Variants in ATP2B2 observed in about 807,000 individuals in gnomAD.
ATP2B2 encodes plasma membrane calcium-transporting ATPase 2.
ATP2B2 carries 15 observed loss-of-function variants against 120.0 expected under a neutral mutation model. That is an observed-to-expected ratio of 0.12 (90% CI 0.08 to 0.19). The LOEUF is 0.19. ATP2B2 is among the 10% of genes least tolerant of loss of function. ATP2B2 has a pLI of 1.00. For missense variants in ATP2B2, 1,045 were observed against 1,719.8 expected (o/e 0.61, Z 6.94); for synonymous variants, 694 against 700.3 (o/e 0.99, Z 0.14).
chr3:10,669,668 G>A (rs7650726), intron 1 of ATP2B2, among the ~76,000 whole-genome samples: 2 of 152,136 alleles, frequency 1.3e-5, no homozygotes, highest in East Asian at 3.9e-4. Context: ...CTCCCTAGAC[G>A]AGGGCTCCCT....
chr3:10,563,507 T>A (rs1271312653), intron 2 of ATP2B2, among the ~76,000 whole-genome samples: 1 of 152,260 alleles, frequency 6.6e-6, no homozygotes, highest in Non-Finnish European at 1.5e-5. Flanking sequence ...GGTTTGGGGT[T>A]GACGTGTAAG....
chr3:10,471,395 TGTG>T (rs1559379097), intron 1 of ATP2B2, among the ~76,000 whole-genome samples: 4 of 133,734 alleles, frequency 3.0e-5, no homozygotes, highest in Non-Finnish European at 4.7e-5. Flanking sequence ...TGTGTGTGTG[TGTG>T]TTTGTGTGCG....
rs2061554884 is a variant in ATP2B2, at chr3:10,382,331, C to T, written c.1000+2937G>A. Among the ~76,000 whole-genome samples the T allele has an allele frequency of 2.7e-5, 4 of 149,294 alleles. No individual in the cohort carries two copies. The South Asian group carries it at 8.5e-4, about 32-fold the overall frequency. On this transcript the variant is annotated intron_variant, in intron 8 of 22. Transcript: ENST00000360273. ...GATTATAGGCATGAAGCACTGTACC[C>T]AGCCCATGATGTATAATTTTTTTTT... is the stretch of plus-strand genomic sequence containing the variant.
At chr3:10,391,565 A>G (rs2061850687) in intron 5 of ATP2B2, among the ~76,000 whole-genome samples, 1 of 152,124 alleles carries the variant, frequency 6.6e-6, no homozygotes. Context: ...CTACACCCAC[A>G]TCCGGAGGCA....
intron 2 of ATP2B2, among the ~76,000 whole-genome samples, chr3:10,569,055 C>G (rs975316328): frequency 6.6e-6 from 1 of 152,208 alleles, no homozygotes; most frequent in Non-Finnish European, 1.5e-5. Flanking sequence ...GACGTGGTAT[C>G]GCTGTTCACT....
intron 2 of ATP2B2, among the ~76,000 whole-genome samples, chr3:10,571,394 ACCACACAAGG>A (rs1559464460): frequency 1.3e-5 from 2 of 152,216 alleles, no homozygotes; most frequent in Non-Finnish European, 2.9e-5. Flanking sequence ...AACCCACTGT[ACCACACAAGG>A]CCAGGGGAGC....
intron 1 of ATP2B2, among the ~76,000 whole-genome samples, chr3:10,640,177 C>T (rs558172506): frequency 6.6e-6 from 1 of 152,268 alleles, no homozygotes; most frequent in South Asian, 2.1e-4. Flanking sequence ...AGCTACTCAT[C>T]CACAGGACAA....
At chr3:10,510,082 G>A (rs938033212), upstream of ATP2B2, among the ~76,000 whole-genome samples, 1 of 152,188 alleles carries the variant, frequency 6.6e-6, no homozygotes, top group Non-Finnish European at 1.5e-5. Context: ...GGTAGATAAG[G>A]GTTCCCAGAT....
Position 10,338,222 on chromosome 3 carries a change from C to T in ATP2B2, c.3374G>A (p.Arg1125Gln), listed in dbSNP as rs370895383. 1.8e-5 allele frequency: 29 copies of T among 1,614,076 alleles called. No individual in the cohort carries two copies. Among genetic ancestry groups the T allele is most frequent in the Non-Finnish European group, 1.5e-5 (18 of 1,180,044 alleles). Residue 1125 changes from arginine (R) to glutamine (Q), a missense_variant, in exon 22 of 23, where the codon CGG (arginine) becomes CAG (glutamine). Physicochemically the swap from Arg to Gln is conservative, Grantham distance 43. Around this residue, in one of 11 missense-constraint regions of ATP2B2, gnomAD observed 211 missense variants for 385.1 expected, o/e 0.55. Coordinates refer to ENST00000360273, the MANE Select transcript of ATP2B2 (RefSeq NM_001001331.4). Reference protein sequence around the residue: ...EIDHAERELRRGQILWFRGLN... With the variant: ...EIDHAERELRQGQILWFRGLN... ...GCCTCGGAACCACAGGATCTGGCCC[C>T]GCCGCAGCTCCCGCTCCGCGTGGTC...
At position 10,340,500 on chromosome 3, in the gene ATP2B2, G is replaced by A; in HGVS notation, c.3122C>T (p.Ala1041Val). ...GGGTGGGGGCCTCACTACCTGGATG[G>A]CAAAGGTGCCCAGCACGATGGTGCA... ...IFCTIVLGTF[A>V]IQIVIVQFGG... Residue 1041 changes from alanine (A) to valine (V), a missense_variant, in exon 20 of 23, where the codon GCC (alanine) becomes GTC (valine). Physicochemically the swap from Ala to Val is moderately conservative, Grantham distance 64 (BLOSUM62 0). Coordinates refer to ENST00000360273, the MANE Select transcript of ATP2B2 (RefSeq NM_001001331.4). The surrounding 1 kb of genome is among the most constrained non-coding windows in gnomAD (Gnocchi z 5.0). The A allele has an allele frequency of 1.2e-6, 2 of 1,614,180 alleles. No homozygotes were observed. Among genetic ancestry groups the A allele is most frequent in the Non-Finnish European group, 1.7e-6 (2 of 1,180,014 alleles).
intron 2 of ATP2B2, among the ~76,000 whole-genome samples, chr3:10,585,556 G>A (rs562022629): frequency 1.0e-4 from 14 of 136,348 alleles, no homozygotes; most frequent in African/African-American, 3.9e-4. Flanking sequence ...TGCAAGACCC[G>A]ACTCTACCCA....
intron 2 of ATP2B2, among the ~76,000 whole-genome samples, chr3:10,554,518 C>T (rs1426797956): frequency 6.6e-6 from 1 of 152,140 alleles, no homozygotes; most frequent in Non-Finnish European, 1.5e-5. Flanking sequence ...GTCTGTGAAT[C>T]AAGGAAATAG....
chr3:10,648,120 C>A (rs556084512), intron 1 of ATP2B2, among the ~76,000 whole-genome samples: 9 of 152,288 alleles, frequency 5.9e-5, no homozygotes, highest in African/African-American at 2.2e-4. Flanking sequence ...GCAAGGAGAT[C>A]AGCCTGAGGG....
chr3:10,592,260 A>C (rs934240962), intron 2 of ATP2B2, among the ~76,000 whole-genome samples: 2 of 152,260 alleles, frequency 1.3e-5, no homozygotes, highest in African/African-American at 4.8e-5. Flanking sequence ...GAGGCAAATA[A>C]TACAAAAAGA....
intron 5 of ATP2B2, among the ~76,000 whole-genome samples, chr3:10,393,159 G>A (rs1442766092): frequency 6.6e-6 from 1 of 152,170 alleles, no homozygotes; most frequent in African/African-American, 2.4e-5. Flanking sequence ...CAGATCCAGA[G>A]CAATGCAAGA....
At chr3:10,670,687 CT>C (rs1474617247) in intron 1 of ATP2B2, among the ~76,000 whole-genome samples, 5 of 152,290 alleles carry the variant, frequency 3.3e-5, no homozygotes, top group Middle Eastern at 6.8e-3. Context: ...TCCCAAAGTG[CT>C]GGGATTATAG....
At chr3:10,588,787 C>T (rs915591615) in intron 2 of ATP2B2, among the ~76,000 whole-genome samples, 18 of 152,094 alleles carry the variant, frequency 1.2e-4, no homozygotes, top group South Asian at 2.1e-4. Flanking sequence ...TTTTTACAGA[C>T]GAAGAAAGTG....
chr3:10,411,796 T>C (rs1034633207), intron 2 of ATP2B2, among the ~76,000 whole-genome samples: 12 of 152,200 alleles, frequency 7.9e-5, no homozygotes, highest in African/African-American at 2.7e-4. Context: ...GGAGCGTGCC[T>C]GGTGGACATG....
At chr3:10,665,381 G>T (rs1296786227) in intron 1 of ATP2B2, among the ~76,000 whole-genome samples, 8 of 152,118 alleles carry the variant, frequency 5.3e-5, no homozygotes, top group African/African-American at 1.9e-4. Flanking sequence ...CCTTTCCTGA[G>T]CATGCTGGCT....
Sources: allele counts gnomAD v4.1 joint callset (sites outside exome capture counted in the v4.1 genomes callset), GRCh38; gene constraint gnomAD v4.1.1; regional missense constraint gnomAD v4.1.1; non-coding constraint Gnocchi (gnomAD v3.1); transcripts MANE v1.5; gene names NCBI Gene and HGNC (gene_info 2026-07-23, HGNC 2026-07-21).